The following ARL8B variants were observed in gnomAD, a reference collection of about 807,000 sequenced individuals.
The protein encoded by ARL8B is ARF like GTPase 8B.
In ARL8B, 9 loss-of-function variants were observed where a neutral mutation model predicts 30.6. That is an observed-to-expected ratio of 0.29 (90% CI 0.18 to 0.51). The LOEUF (loss-of-function observed/expected upper bound fraction) is 0.51, where lower values mean the gene tolerates loss of function less well. Ranked by LOEUF, ARL8B falls within the 20% of genes least tolerant of loss-of-function variation. ARL8B has a pLI of 0.97. For missense variants in ARL8B, 130 were observed against 227.2 expected (o/e 0.57, Z 2.75); for synonymous variants, 74 against 76.0 (o/e 0.97, Z 0.14).
At position 5,137,437 on chromosome 3, in the gene ARL8B, C is replaced by CT. The variant is rs368417212; in HGVS notation, c.123+14867dup. Among the ~76,000 whole-genome samples the CT allele has an allele frequency of 4.6e-3, 611 of 132,688 alleles. 3 individuals carry two copies. Among genetic ancestry groups the CT allele is most frequent in the African/African-American group, 9.9e-3 (342 of 34,626 alleles). 87.0% of individuals were successfully genotyped at this position (132,688 alleles called of 152,430 possible). On this transcript the variant is annotated intron_variant, in intron 1 of 6. Coordinates refer to ENST00000256496, the MANE Select transcript of ARL8B (RefSeq NM_018184.3). ...ACAAGGGACCAGTTTTTAATTTTCTCTTTTTTTTTTTTTTTTTTGAGATGG... is the reference window on the plus strand; with the variant it reads ...ACAAGGGACCAGTTTTTAATTTTCTCTTTTTTTTTTTTTTTTTTTGAGATGG...
intron 1 of ARL8B, among the ~76,000 whole-genome samples, chr3:5,162,660 A>G (rs1298834939): frequency 6.6e-6 from 1 of 152,230 alleles, no homozygotes; most frequent in African/African-American, 2.4e-5. Flanking sequence ...TACTTAATTC[A>G]CTGTGATAAT....
intron 1 of ARL8B, among the ~76,000 whole-genome samples, chr3:5,123,034 G>A (rs2054196998): frequency 6.6e-6 from 1 of 152,156 alleles, no homozygotes; most frequent in Non-Finnish European, 1.5e-5. Flanking sequence ...CCTCTCTTAA[G>A]TTGCCACTTT....
intron 1 of ARL8B, among the ~76,000 whole-genome samples, chr3:5,124,375 G>A (rs374985076): frequency 2.7e-5 from 4 of 150,604 alleles, no homozygotes; most frequent in African/African-American, 4.9e-5. Context: ...CAAAGTGCTG[G>A]CATTACAGGC....
intron 6 of ARL8B, 48 bp downstream of exon 6, chr3:5,174,462 A>C (rs2054707340): frequency 2.5e-6 from 3 of 1,191,448 alleles, no homozygotes; most frequent in Non-Finnish European, 3.8e-6. Context: ...CATTGGAAGG[A>C]ATGTCTATGC....
intron 1 of ARL8B, among the ~76,000 whole-genome samples, chr3:5,128,158 G>A (rs1376934850): frequency 1.6e-4 from 17 of 105,926 alleles, no homozygotes; most frequent in Middle Eastern, 9.8e-3. Context: ...GTGAAAATCC[G>A]TCTCAAAAAA....
At chr3:5,176,579 AT>A (rs1385980837) in intron 6 of ARL8B, among the ~76,000 whole-genome samples, 4 of 152,188 alleles carry the variant, frequency 2.6e-5, no homozygotes, top group Non-Finnish European at 5.9e-5. Context: ...GTTCTGGCTA[AT>A]TTTGGGCTTC....
intron 1 of ARL8B, among the ~76,000 whole-genome samples, chr3:5,153,694 T>G (rs897040442): frequency 1.3e-5 from 2 of 152,216 alleles, no homozygotes; most frequent in African/African-American, 4.8e-5. Flanking sequence ...GAAGAGTTTA[T>G]TATATTTACC....
intron 1 of ARL8B, among the ~76,000 whole-genome samples, chr3:5,125,797 T>C (rs1441220263): frequency 6.6e-6 from 1 of 152,214 alleles, no homozygotes; most frequent in African/African-American, 2.4e-5. Flanking sequence ...TCTCCCAAAA[T>C]GCTGGGATTA....
intron 1 of ARL8B, among the ~76,000 whole-genome samples, chr3:5,126,210 T>C (rs983940592): frequency 1.3e-5 from 2 of 152,118 alleles, no homozygotes; most frequent in African/African-American, 4.8e-5. Context: ...AGTTAGTGAT[T>C]AAAGATGATT....
At chr3:5,174,246 C>A (rs934264684) in intron 5 of ARL8B, 98 bp from the exon 6 acceptor site, 6 of 1,096,362 alleles carry the variant, frequency 5.5e-6, no homozygotes, top group Non-Finnish European at 8.3e-6. Context: ...ACGATGATTT[C>A]TTCAGTATAG....
chr3:5,140,814 G>T (rs1284586134), intron 1 of ARL8B, among the ~76,000 whole-genome samples: 2 of 152,108 alleles, frequency 1.3e-5, no homozygotes, highest in Admixed American at 1.3e-4. Context: ...TGGGATGTTG[G>T]TTCACGCCTG....
chr3:5,140,956 C>A (rs1399295431), intron 1 of ARL8B, among the ~76,000 whole-genome samples: 1 of 152,184 alleles, frequency 6.6e-6, no homozygotes, highest in Non-Finnish European at 1.5e-5. Flanking sequence ...GGGACAGTTA[C>A]AACAGGTAAT....
At chr3:5,145,369 C>G (rs2054410031) in intron 1 of ARL8B, among the ~76,000 whole-genome samples, 1 of 152,050 alleles carries the variant, frequency 6.6e-6, no homozygotes. Context: ...TAATATATTC[C>G]TGACCTGGTG....
At chr3:5,147,293 AG>A (rs2054428484) in intron 1 of ARL8B, among the ~76,000 whole-genome samples, 1 of 152,138 alleles carries the variant, frequency 6.6e-6, no homozygotes, top group South Asian at 2.1e-4. Context: ...CCTTGGCGAT[AG>A]TTTGCTCAGA....
chr3:5,171,613 G>A (rs1199821637), intron 2 of ARL8B, among the ~76,000 whole-genome samples: 2 of 152,196 alleles, frequency 1.3e-5, no homozygotes, highest in Non-Finnish European at 2.9e-5. Flanking sequence ...CTCCCAAAGT[G>A]CTGGGATTAT....
chr3:5,162,237 G>A (rs1380779796), intron 1 of ARL8B, among the ~76,000 whole-genome samples: 1 of 152,216 alleles, frequency 6.6e-6, no homozygotes, highest in Non-Finnish European at 1.5e-5. Flanking sequence ...CATCTATGCA[G>A]ATGCCACAGA....
At position 5,122,558 on chromosome 3, in the gene ARL8B, G is replaced by T; in HGVS notation, c.93G>T (p.Ser31=). Residue 31 remains serine (S), a synonymous_variant, in exon 1 of 7, where the codon TCG becomes TCT. Transcript: ENST00000256496. ...TGACGCTCGTGGGGCTGCAGTACTC[G>T]GGCAAGACCACCTTCGTCAATGTCA... ...MELTLVGLQY[S]GKTTFVNVIA... 5 of 1,609,136 alleles carry T rather than the reference G, an allele frequency of 3.1e-6. No individual in the cohort carries two copies. The highest frequency in any genetic ancestry group is 1.3e-5 in the African/African-American group (1 of 74,762).
chr3:5,137,073 T>G (rs1250331385), intron 1 of ARL8B, among the ~76,000 whole-genome samples: 1 of 152,180 alleles, frequency 6.6e-6, no homozygotes, highest in Admixed American at 6.5e-5. Context: ...GGGTAATGTT[T>G]AAGTATGTGG....
At chr3:5,131,814 C>CT (rs567271530) in intron 1 of ARL8B, among the ~76,000 whole-genome samples, 2 of 152,198 alleles carry the variant, frequency 1.3e-5, no homozygotes, top group Non-Finnish European at 2.9e-5. Flanking sequence ...TGGTTTTTGT[C>CT]TTTTTTTCAG....
Sources: gnomAD v4.1 joint callset for allele counts (sites outside exome capture counted in the v4.1 genomes callset) on GRCh38, gnomAD v4.1.1 for gene constraint, MANE v1.5 for transcripts, NCBI Gene and HGNC (gene_info 2026-07-23, HGNC 2026-07-21) for gene names.